The following PRH1 variants were observed in gnomAD, a reference collection of about 807,000 sequenced individuals.
PRH1 encodes the protein proline rich protein HaeIII subfamily 1.
A neutral mutation model predicts 7.9 loss-of-function variants in PRH1; 7 were observed. That is an observed-to-expected ratio of 0.89 (90% CI 0.50 to 1.67). The LOEUF is 1.67. Among genes scored for constraint, PRH1 ranks in the 40% most tolerant of loss-of-function variants. PRH1 has a pLI of 0.00. For missense variants in PRH1, 109 were observed against 223.6 expected, an observed-to-expected ratio of 0.49 and a Z score of 3.27; for synonymous variants, 45 against 80.8, an observed-to-expected ratio of 0.56 and a Z score of 2.38.
intron 1 of PRH1, among the ~76,000 whole-genome samples, chr12:10,993,098 T>C (rs151217836): frequency 3.9e-5 from 6 of 152,350 alleles, no homozygotes; most frequent in Middle Eastern, 3.4e-3. Context: ...ATCAGATGAA[T>C]GCACATTAGC....
chr12:10,963,330 A>T (rs1045572507), intron 2 of PRH1, among the ~76,000 whole-genome samples: 3 of 152,232 alleles, frequency 2.0e-5, no homozygotes, highest in Admixed American at 6.5e-5. Context: ...TAAAACATAT[A>T]TTTAAGTCAT....
rs1473560256 is a variant in PRH1 at position 11,168,571 on chromosome 12, AATC to A, written n.39+2848_39+2850del. 7.2e-5 allele frequency among the ~76,000 whole-genome samples: 11 copies of A among 152,248 alleles called. No homozygotes were observed. The South Asian group carries it at 1.7e-3, about 23-fold the overall frequency. Reference sequence around the variant, plus strand: ...AGCCAAGGTTTCCCATCATATCAAGAATCTAATCTTCCACAGCATTATCAGTGA... The same window carrying A: ...AGCCAAGGTTTCCCATCATATCAAGATAATCTTCCACAGCATTATCAGTGA... On this transcript the variant is annotated intron_variant and non_coding_transcript_variant, in intron 1 of 1. Transcript: ENST00000541175.
At chr12:11,133,972 G>A in intron 1 of PRH1, 1 of 1,614,062 alleles carries the variant, frequency 6.2e-7, no homozygotes, top group Non-Finnish European at 8.5e-7. Flanking sequence ...TGAAATGGTT[G>A]GTTACTGCCC....
intron 2 of PRH1, chr12:10,930,929 GA>G: frequency 6.2e-7 from 1 of 1,607,866 alleles, no homozygotes; most frequent in Non-Finnish European, 8.5e-7. Flanking sequence ...CCTCCTCGAG[GA>G]AGGCCACAAG....
intron 1 of PRH1, among the ~76,000 whole-genome samples, chr12:11,145,254 C>T (rs964207346): frequency 3.9e-5 from 6 of 152,152 alleles, no homozygotes; most frequent in Non-Finnish European, 5.9e-5. Context: ...TACAGTGGCG[C>T]AATCTCGGGT....
At chr12:10,995,350 T>C (rs935988722) in intron 1 of PRH1, among the ~76,000 whole-genome samples, 4 of 152,150 alleles carry the variant, frequency 2.6e-5, no homozygotes, top group Admixed American at 6.6e-5. Context: ...ACAAATCAGA[T>C]GTGGAGATGA....
chr12:10,951,342 C>A (rs1388454119), intron 2 of PRH1, among the ~76,000 whole-genome samples: 2 of 152,126 alleles, frequency 1.3e-5, no homozygotes, highest in Admixed American at 6.5e-5. Context: ...GTCTAAATTT[C>A]TGAAGGAAGC....
intron 1 of PRH1, among the ~76,000 whole-genome samples, chr12:11,123,094 T>C (rs956903968): frequency 2.0e-5 from 3 of 152,238 alleles, no homozygotes; most frequent in Admixed American, 6.5e-5. Flanking sequence ...ATCCTATATG[T>C]CCTTATTCAT....
upstream of PRH1, among the ~76,000 whole-genome samples, chr12:10,887,282 G>A (rs912076977): frequency 1.1e-4 from 16 of 152,092 alleles, no homozygotes; most frequent in African/African-American, 3.4e-4. Flanking sequence ...TCATTGGGTC[G>A]CTGTGGTCTG....
intron 1 of PRH1, among the ~76,000 whole-genome samples, chr12:10,982,914 G>T (rs1001938499): frequency 6.6e-6 from 1 of 152,050 alleles, no homozygotes; most frequent in African/African-American, 2.4e-5. Context: ...TTTTATGGGG[G>T]CTTATTGGGG....
chr12:10,936,027 T>A (rs1189467854), intron 2 of PRH1, among the ~76,000 whole-genome samples: 1 of 152,054 alleles, frequency 6.6e-6, no homozygotes, highest in African/African-American at 2.4e-5. Flanking sequence ...TGGAGTAGGC[T>A]CTGAAACTGA....
intron 1 of PRH1, among the ~76,000 whole-genome samples, chr12:11,102,007 A>AAGG (rs36161147): frequency 0.45 from 68,548 of 151,180 alleles, 16,273 homozygotes; most frequent in Non-Finnish European, 0.52. Flanking sequence ...GGAAATCTTC[A>AAGG]AGAACTACAA....
chr12:11,062,273 T>C (rs1565610395), intron 1 of PRH1: 18 of 1,611,892 alleles, frequency 1.1e-5, no homozygotes, highest in Non-Finnish European at 1.4e-5. Context: ...ATGGAAAAAA[T>C]GATGGGCAGA....
At chr12:10,929,410 G>T in intron 2 of PRH1, 1 of 1,578,686 alleles carries the variant, frequency 6.3e-7, no homozygotes, top group African/African-American at 1.3e-5. Flanking sequence ...GGGGGAAAGT[G>T]GAGGGAAGAG....
intron 1 of PRH1, among the ~76,000 whole-genome samples, chr12:11,067,920 A>G (rs1342210708): frequency 1.3e-5 from 2 of 152,180 alleles, no homozygotes; most frequent in African/African-American, 2.4e-5. Flanking sequence ...ATAATGCTCT[A>G]TTCTCCTTTA....
chr12:10,942,839 T>C (rs1313413117), intron 2 of PRH1, among the ~76,000 whole-genome samples: 1 of 152,210 alleles, frequency 6.6e-6, no homozygotes, highest in Non-Finnish European at 1.5e-5. Context: ...CACACAGGAA[T>C]AGCCTGCTTG....
chr12:11,030,383 C>T, intron 1 of PRH1: 1 of 1,600,968 alleles, frequency 6.2e-7, no homozygotes, highest in Non-Finnish European at 8.5e-7. Context: ...TGCTAGAAGA[C>T]ACACAATGCC....
intron 2 of PRH1, among the ~76,000 whole-genome samples, chr12:10,924,000 T>TTG (rs1679028693): frequency 7.1e-6 from 1 of 140,172 alleles, no homozygotes; most frequent in African/African-American, 2.6e-5. Flanking sequence ...GTTTTTTTTT[T>TTG]TTTTTTTTTT....
At chr12:11,104,972 TTAA>T (rs1201167833) in intron 1 of PRH1, among the ~76,000 whole-genome samples, 9 of 151,836 alleles carry the variant, frequency 5.9e-5, no homozygotes, top group African/African-American at 1.7e-4. Context: ...TATACACTTA[TTAA>T]TAATGCCTTA....
Sources: allele counts gnomAD v4.1 joint callset (sites outside exome capture counted in the v4.1 genomes callset), GRCh38; gene constraint gnomAD v4.1.1; transcripts MANE v1.5; gene names NCBI Gene and HGNC (gene_info 2026-07-23, HGNC 2026-07-21).